RARA: variants seen among roughly 807,000 people sequenced by gnomAD.
The protein encoded by RARA is PML-DDX5-RARA fusion.
A neutral mutation model predicts 42.8 loss-of-function variants in RARA; 5 were observed. The observed-to-expected ratio is 0.12, with a 90% CI of 0.06 to 0.25. RARA has a LOEUF of 0.25. Ranked by LOEUF, RARA falls within the 10% of genes least tolerant of loss-of-function variation. The pLI is 1.00. For missense variants in RARA, 402 were observed against 628.7 expected (o/e 0.64, Z 3.86); for synonymous variants, 256 against 259.5 (o/e 0.99, Z 0.13).
chr17:40,342,402 C>T (rs1327504913), intron 2 of RARA: 10 of 1,153,498 alleles, frequency 8.7e-6, no homozygotes, highest in Non-Finnish European at 1.1e-5. Context: ...AGACTCTAGA[C>T]GGGAGTCCCC....
At chr17:40,327,649 C>T (rs2033582392) in intron 1 of RARA, among the ~76,000 whole-genome samples, 1 of 152,164 alleles carries the variant, frequency 6.6e-6, no homozygotes, top group South Asian at 2.1e-4. Flanking sequence ...ATGGTATCTC[C>T]AGGTTCCTTC....
Position 40,354,418 on chromosome 17 carries a change from G to T in RARA, c.924G>T (p.Leu308=). ...CTGGCTTCGGCCCCCTCACCGACCT[G>T]GTCTTTGCCTTCGCCAACCAGCTGC... The part of the protein sequence containing the change: ...HNAGFGPLTD[L]VFAFANQLLP... Residue 308 remains leucine (L), a synonymous_variant, in exon 7 of 9, where the codon CTG becomes CTT. Coordinates refer to ENST00000254066, the MANE Select transcript of RARA (RefSeq NM_000964.4). The surrounding 1 kb of genome is among the most constrained non-coding windows in gnomAD (Gnocchi z 4.5). 2 of 1,614,156 alleles carry T rather than the reference G, an allele frequency of 1.2e-6. No homozygotes were observed. The highest frequency in any genetic ancestry group is 1.7e-6 in the Non-Finnish European group (2 of 1,180,032).
At chr17:40,332,876 G>C (rs973306679) in intron 2 of RARA, among the ~76,000 whole-genome samples, 1 of 152,214 alleles carries the variant, frequency 6.6e-6, no homozygotes, top group Non-Finnish European at 1.5e-5. Context: ...CCTATAGTCT[G>C]TGTTAGTGAT....
At chr17:40,336,836 C>T (rs1457460475) in intron 2 of RARA, among the ~76,000 whole-genome samples, 4 of 152,184 alleles carry the variant, frequency 2.6e-5, no homozygotes, top group Middle Eastern at 3.2e-3. Context: ...GCTGGGACTA[C>T]AGGCGTGTGC....
At chr17:40,341,316 AG>A in intron 2 of RARA, 1 of 1,385,730 alleles carries the variant, frequency 7.2e-7, no homozygotes, top group Non-Finnish European at 9.4e-7. Context: ...CGTGGGGAGG[AG>A]GGCCCCCTCT....
intron 3 of RARA, 198 bp downstream of exon 3, chr17:40,348,662 A>G: frequency 3.5e-6 from 2 of 566,358 alleles, no homozygotes; most frequent in African/African-American, 2.0e-5. Flanking sequence ...GGGCTCCCTC[A>G]AACCAGAGGT....
rs570446776 is a variant in RARA at position 40,322,025 on chromosome 17, G to T, written c.-362-8832G>T. On this transcript the variant is annotated intron_variant, in intron 1 of 8. Transcript: ENST00000254066. ...CCCTGGCAGGGCTAGGGGTGTGGGGGTGTGTAGATGGGGGTGGTTCTCTGT... is the reference window on the plus strand; with the variant it reads ...CCCTGGCAGGGCTAGGGGTGTGGGGTTGTGTAGATGGGGGTGGTTCTCTGT... 6.6e-5 allele frequency among the ~76,000 whole-genome samples: 10 copies of T among 152,276 alleles called. No homozygotes were observed. The East Asian group carries it at 1.9e-3, about 29-fold the overall frequency.
At chr17:40,353,696 T>A (rs566943327) in intron 6 of RARA, among the ~76,000 whole-genome samples, 1 of 152,284 alleles carries the variant, frequency 6.6e-6, no homozygotes, top group East Asian at 1.9e-4. Context: ...CCTCAGGTGA[T>A]CCTCCCGCGT....
intron 2 of RARA, chr17:40,342,495 T>C: frequency 1.5e-6 from 2 of 1,309,516 alleles, no homozygotes; most frequent in East Asian, 6.5e-5. Context: ...CACACACAAC[T>C]TCCCTGCTTT....
chr17:40,354,564 C>G lies in RARA; in HGVS notation c.1012+58C>G. 3 of 1,573,284 alleles carry G rather than the reference C, an allele frequency of 1.9e-6. No homozygotes were observed. In the South Asian group the frequency reaches 3.4e-5, roughly 18 times the overall value. ...TGGGACGGGGGTGCAGCCCTGGAGT[C>G]TCTTCCAGGGAGCTCTTTCAGGCCA... On this transcript the variant is annotated intron_variant, in intron 7 of 8. Transcript: ENST00000254066. The surrounding 1 kb of genome is among the most constrained non-coding windows in gnomAD (Gnocchi z 4.5).
At chr17:40,315,154 A>T (rs1299541543) in intron 1 of RARA, among the ~76,000 whole-genome samples, 1 of 134,322 alleles carries the variant, frequency 7.4e-6, no homozygotes. Flanking sequence ...ATATATATAT[A>T]TATATATATA....
At chr17:40,343,269 GC>G (rs1277504511) in intron 2 of RARA, 4 of 160,172 alleles carry the variant, frequency 2.5e-5, no homozygotes, top group South Asian at 3.3e-4. Flanking sequence ...CCGGGGGAAG[GC>G]CCCCCCGCCA....
chr17:40,330,787 G>A (rs942531130), intron 1 of RARA, 70 bp from the exon 2 acceptor site: 4 of 220,692 alleles, frequency 1.8e-5, no homozygotes, highest in Non-Finnish European at 3.6e-5. Flanking sequence ...CCCAGGTTGG[G>A]GAGCTCCACG....
rs2034461999 is a variant in RARA, at chr17:40,351,816, C to T, written c.470-94C>T. 1.3e-6 allele frequency: 2 copies of T among 1,504,094 alleles called. No homozygotes were observed. Among genetic ancestry groups the T allele is most frequent in the Non-Finnish European group, 1.8e-6 (2 of 1,122,260 alleles). 93.2% of individuals were successfully genotyped at this position (1,504,094 alleles called of 1,614,324 possible). On this transcript the variant is annotated intron_variant, in intron 4 of 8. Transcript: ENST00000254066. This position sits in a 1 kb window ranked among gnomAD's most constrained non-coding sequence, Gnocchi z 4.1. ...GCGCGTGCTTACAAGCCTGGGTGAC[C>T]TCCTCAGCAGCTGGCAGCTCTCTGT... is the stretch of plus-strand genomic sequence containing the variant.
Position 40,355,932 on chromosome 17 carries a change from C to A in RARA, c.1172-77C>A. 7.5e-7 allele frequency: 1 copy of A among 1,328,478 alleles called. No individual in the cohort carries two copies. The highest frequency in any genetic ancestry group is 1.0e-6 in the Non-Finnish European group (1 of 968,032). 82.3% of individuals were successfully genotyped at this position (1,328,478 alleles called of 1,614,324 possible). On this transcript the variant is annotated intron_variant, in intron 8 of 8. Transcript: ENST00000254066. The surrounding 1 kb of genome is among the most constrained non-coding windows in gnomAD (Gnocchi z 4.1). The stretch of plus-strand genomic sequence containing the variant: ...ATATCAGCAGTATTGATCTTCCCAC[C>A]TCGAGCCAGGCTTGCTGGGGCTGGG...
rs1303266933 is a variant in RARA, at chr17:40,357,556, C to T, written c.*1330C>T. The T allele has an allele frequency of 8.6e-6, 2 of 232,562 alleles. No individual in the cohort carries two copies. The highest frequency in any genetic ancestry group is 1.7e-5 in the Non-Finnish European group (2 of 117,704). The allele number at this position is 232,562 out of a possible 1,614,324, so 14.4% of individuals were successfully genotyped here. A position where few individuals can be genotyped will look rare whatever the true frequency, so the allele number is the denominator to read the frequency against. On this transcript the variant is annotated 3_prime_UTR_variant, in exon 9 of 9. Transcript: ENST00000254066. The stretch of plus-strand genomic sequence containing the variant: ...ACCTCCTTCACCAGGGGTTGGGGCC[C>T]CTTCCCCTGGAGCCCGTGGGTGCAC...
intron 1 of RARA, among the ~76,000 whole-genome samples, chr17:40,325,890 C>T (rs1048623273): frequency 6.6e-6 from 1 of 152,200 alleles, no homozygotes; most frequent in African/African-American, 2.4e-5. Context: ...CCAGTCCCGG[C>T]TGAGTTTGGG....
Position 40,356,668 on chromosome 17 carries a change from A to T in RARA, c.*442A>T, listed in dbSNP as rs368586881. 1,092 of 535,056 alleles carry T rather than the reference A, an allele frequency of 2.0e-3. 11 individuals carry two copies. In the East Asian group the frequency reaches 0.023, roughly 11 times the overall value. The allele number at this position is 535,056 out of a possible 1,614,324, so 33.1% of individuals were successfully genotyped here. On this transcript the variant is annotated 3_prime_UTR_variant, in exon 9 of 9. Transcript: ENST00000254066. Reference sequence around the variant, plus strand: ...CTCGGTTGGTGACAGAGGGGGTGGGACAGGGGCGGGGGGTTCCCCCTGTAC... The same window carrying T: ...CTCGGTTGGTGACAGAGGGGGTGGGTCAGGGGCGGGGGGTTCCCCCTGTAC...
chr17:40,348,127 C>T, intron 2 of RARA, 189 bp from the exon 3 acceptor site: 3 of 586,098 alleles, frequency 5.1e-6, no homozygotes, highest in Non-Finnish European at 8.4e-6. Flanking sequence ...TGATGGGGTG[C>T]TGGAGGCTTC....
Sources: gnomAD v4.1 joint callset for allele counts (sites outside exome capture counted in the v4.1 genomes callset) on GRCh38, gnomAD v4.1.1 for gene constraint, Gnocchi (gnomAD v3.1) non-coding constraint, MANE v1.5 for transcripts, NCBI Gene and HGNC (gene_info 2026-07-23, HGNC 2026-07-21) for gene names.